PITPNC1: variants seen among roughly 807,000 people sequenced by gnomAD.
PITPNC1 encodes phosphatidylinositol transfer protein cytoplasmic 1, also known as cytoplasmic phosphatidylinositol transfer protein 1.
A neutral mutation model predicts 44.7 loss-of-function variants in PITPNC1; 18 were observed. The observed-to-expected ratio is 0.40, with a 90% CI of 0.28 to 0.60. The LOEUF is 0.60. PITPNC1 is among the 20% of genes least tolerant of loss of function. The pLI is 0.39. For synonymous variants in PITPNC1, 141 were observed against 149.6 expected (o/e 0.94, Z 0.42); for missense variants, 290 against 418.4 (o/e 0.69, Z 2.68).
chr17:67,403,239 A>AAAAAAAAAAAAAAAC (rs1157995630), intron 1 of PITPNC1, among the ~76,000 whole-genome samples: 2 of 148,116 alleles, frequency 1.4e-5, no homozygotes, highest in Non-Finnish European at 3.0e-5. Flanking sequence ...AAAAAAAAAA[A>AAAAAAAAAAAAAAAC]AAGTCATGAC....
At chr17:67,557,437 G>C (rs1433980469) in intron 4 of PITPNC1, among the ~76,000 whole-genome samples, 1 of 152,188 alleles carries the variant, frequency 6.6e-6, no homozygotes, top group Non-Finnish European at 1.5e-5. Flanking sequence ...CTGGACACAT[G>C]GATGGAGGGC....
intron 1 of PITPNC1, among the ~76,000 whole-genome samples, chr17:67,509,380 TAAAA>T (rs2040149721): frequency 6.7e-6 from 1 of 149,718 alleles, no homozygotes; most frequent in African/African-American, 2.5e-5. Context: ...AAAAATAAAA[TAAAA>T]TAAATAGCTG....
intron 1 of PITPNC1, among the ~76,000 whole-genome samples, chr17:67,516,665 G>A (rs1009188839): frequency 6.6e-6 from 1 of 152,032 alleles, no homozygotes; most frequent in African/African-American, 2.4e-5. Context: ...TAGCTCAGTC[G>A]CCCAGGCTGG....
chr17:67,536,420 T>C (rs1014938190), intron 2 of PITPNC1, among the ~76,000 whole-genome samples: 1 of 151,974 alleles, frequency 6.6e-6, no homozygotes, highest in Non-Finnish European at 1.5e-5. Context: ...AGAGACAGAG[T>C]TTCACCATGT....
At chr17:67,615,206 C>T (rs2041742574) in intron 5 of PITPNC1, among the ~76,000 whole-genome samples, 2 of 152,226 alleles carry the variant, frequency 1.3e-5, no homozygotes, top group African/African-American at 4.8e-5. Flanking sequence ...GATGCGAAAA[C>T]CAAACCAAAC....
intron 5 of PITPNC1, among the ~76,000 whole-genome samples, chr17:67,584,904 C>T (rs956580218): frequency 4.6e-5 from 7 of 151,886 alleles, no homozygotes; most frequent in Admixed American, 1.3e-4. Context: ...CACCTGAGGT[C>T]GGGAGTTCGA....
At chr17:67,580,155 A>G (rs1428966131) in intron 5 of PITPNC1, among the ~76,000 whole-genome samples, 8 of 152,120 alleles carry the variant, frequency 5.3e-5, no homozygotes, top group Non-Finnish European at 8.8e-5. Flanking sequence ...GCCCTGAAGT[A>G]TGCTTCCCTA....
At chr17:67,385,591 G>A (rs558181854) in intron 1 of PITPNC1, among the ~76,000 whole-genome samples, 1 of 151,354 alleles carries the variant, frequency 6.6e-6, no homozygotes, top group South Asian at 2.1e-4. Flanking sequence ...TCTTTGGTCC[G>A]CACCACCTTT....
At chr17:67,561,730 C>T (rs2040909744) in intron 4 of PITPNC1, among the ~76,000 whole-genome samples, 1 of 152,174 alleles carries the variant, frequency 6.6e-6, no homozygotes, top group Admixed American at 6.5e-5. Context: ...TTTGGGAAGT[C>T]ACACTGATCC....
rs1267241931 is a variant in PITPNC1 at position 67,389,152 on chromosome 17, T to TAA, written c.48+10951_48+10952insAA. On this transcript the variant is annotated intron_variant, in intron 1 of 8. Coordinates refer to ENST00000581322, the MANE Select transcript of PITPNC1 (RefSeq NM_012417.4). ...GCAGTTCCTTACTGCATCCATCAGTTAGAGGCTCGATCCCAGAGGCCACCT... is the reference window on the plus strand; with the variant it reads ...GCAGTTCCTTACTGCATCCATCAGTTAAAGAGGCTCGATCCCAGAGGCCACCT... Among the ~76,000 whole-genome samples the TAA allele has an allele frequency of 2.0e-5, 3 of 152,240 alleles. No homozygotes were observed. The East Asian group carries it at 5.8e-4, about 29-fold the overall frequency.
intron 4 of PITPNC1, among the ~76,000 whole-genome samples, chr17:67,554,359 G>A (rs2040807114): frequency 6.8e-6 from 1 of 146,786 alleles, no homozygotes; most frequent in Admixed American, 7.1e-5. Flanking sequence ...CCGGGTTCAA[G>A]CAATTCTCCT....
chr17:67,460,467 A>G (rs2039319735), intron 1 of PITPNC1, among the ~76,000 whole-genome samples: 1 of 151,554 alleles, frequency 6.6e-6, no homozygotes, highest in Non-Finnish European at 1.5e-5. Flanking sequence ...TCTGTCAGCC[A>G]GGCTGGAGAG....
intron 1 of PITPNC1, chr17:67,378,975 G>T: frequency 3.0e-6 from 3 of 985,326 alleles, no homozygotes; most frequent in Non-Finnish European, 3.6e-6. Context: ...CGTCCTCCAA[G>T]CGCGGCTCTG....
intron 1 of PITPNC1, among the ~76,000 whole-genome samples, chr17:67,518,105 G>A (rs1044121657): frequency 1.3e-5 from 2 of 152,080 alleles, no homozygotes; most frequent in East Asian, 1.9e-4. Flanking sequence ...TGTAGGACTC[G>A]GCTGCCTTCT....
chr17:67,663,365 C>A (rs1045635173), intron 6 of PITPNC1, among the ~76,000 whole-genome samples: 1 of 151,804 alleles, frequency 6.6e-6, no homozygotes, highest in Non-Finnish European at 1.5e-5. Context: ...GTCAGGAGAT[C>A]GAGACCATCC....
chr17:67,398,079 C>A (rs1285721756), intron 1 of PITPNC1, among the ~76,000 whole-genome samples: 2 of 139,644 alleles, frequency 1.4e-5, no homozygotes, highest in African/African-American at 2.8e-5. Context: ...GGCGACAGAG[C>A]GAGACTCCGT....
intron 5 of PITPNC1, among the ~76,000 whole-genome samples, chr17:67,619,777 C>T (rs775446290): frequency 2.6e-4 from 40 of 151,968 alleles, no homozygotes; most frequent in Non-Finnish European, 4.4e-4. Context: ...GCCATCTGCC[C>T]CCAGTGCCAT....
intron 5 of PITPNC1, among the ~76,000 whole-genome samples, chr17:67,584,326 A>G (rs2041280719): frequency 6.6e-6 from 1 of 152,158 alleles, no homozygotes; most frequent in African/African-American, 2.4e-5. Flanking sequence ...CTCTGATAAA[A>G]TGAAGAGAAT....
intron 1 of PITPNC1, among the ~76,000 whole-genome samples, chr17:67,473,523 G>C (rs1173062019): frequency 6.6e-6 from 1 of 151,470 alleles, no homozygotes; most frequent in Non-Finnish European, 1.5e-5. Context: ...AGTAGAGACG[G>C]GGTTTCACCG....
Sources: allele counts gnomAD v4.1 joint callset (sites outside exome capture counted in the v4.1 genomes callset), GRCh38; gene constraint gnomAD v4.1.1; transcripts MANE v1.5; gene names NCBI Gene and HGNC (gene_info 2026-07-23, HGNC 2026-07-21).